The following APPL1 variants were observed in gnomAD, a reference collection of about 807,000 sequenced individuals.
APPL1 encodes the protein DCC-interacting protein 13-alpha.
Under a neutral mutation model 106.8 loss-of-function variants are expected in APPL1, and 42 were observed. The observed-to-expected ratio is 0.39, with a 90% CI of 0.31 to 0.51. APPL1 has a LOEUF of 0.51. Among genes scored for constraint, APPL1 ranks in the 20% least tolerant of loss-of-function variants. The probability of loss-of-function intolerance (pLI) is 0.75; values close to 1 mark genes in which losing one functional copy is unlikely to be tolerated. For missense variants in APPL1, 769 were observed against 858.2 expected, an observed-to-expected ratio of 0.90 and a Z score of 1.30; for synonymous variants, 263 against 281.8, an observed-to-expected ratio of 0.93 and a Z score of 0.67.
intron 13 of APPL1, among the ~76,000 whole-genome samples, chr3:57,254,699 A>G (rs1167282410): frequency 6.6e-6 from 1 of 152,188 alleles, no homozygotes; most frequent in African/African-American, 2.4e-5. Flanking sequence ...ATCTCAGCCC[A>G]CTGCAGCCTC....
At chr3:57,256,084 C>A (rs568661613) in intron 13 of APPL1, among the ~76,000 whole-genome samples, 8 of 152,176 alleles carry the variant, frequency 5.3e-5, no homozygotes, top group Admixed American at 3.9e-4. Flanking sequence ...GGAATAGTGC[C>A]TGTAGTCTCA....
chr3:57,267,255 G>C (rs908344902), intron 19 of APPL1, among the ~76,000 whole-genome samples: 1 of 152,042 alleles, frequency 6.6e-6, no homozygotes, highest in East Asian at 1.9e-4. Context: ...ATTTTGCCTA[G>C]GCTTACTGAG....
At chr3:57,247,229 C>A (rs1393094961) in intron 8 of APPL1, among the ~76,000 whole-genome samples, 166 bp from the exon 9 acceptor site, 2 of 152,100 alleles carry the variant, frequency 1.3e-5, no homozygotes, top group Non-Finnish European at 2.9e-5. Flanking sequence ...CTTAATGGCT[C>A]CCTGTGCAGT....
chr3:57,232,741 G>C (rs1469505796), intron 1 of APPL1, among the ~76,000 whole-genome samples: 1 of 152,138 alleles, frequency 6.6e-6, no homozygotes, highest in African/African-American at 2.4e-5. Context: ...GGTGGCTCAC[G>C]CCTGTAATCC....
chr3:57,242,282 T>A (rs1227268872), intron 6 of APPL1, 140 bp downstream of exon 6: 4 of 624,294 alleles, frequency 6.4e-6, no homozygotes, highest in Non-Finnish European at 8.1e-6. Flanking sequence ...GTATTGCTAC[T>A]TAAATTACAC....
chr3:57,252,032 C>G (rs570811391), intron 11 of APPL1, among the ~76,000 whole-genome samples: 40 of 152,208 alleles, frequency 2.6e-4, no homozygotes, highest in Admixed American at 6.5e-4. Context: ...GGATCAGCAC[C>G]TGTTCCCTTT....
intron 13 of APPL1, 126 bp downstream of exon 13, chr3:57,253,864 T>C: frequency 2.8e-6 from 1 of 350,908 alleles, no homozygotes; most frequent in Non-Finnish European, 4.3e-6. Context: ...ATGAGTAGCT[T>C]TTTTTTTTTT....
At chr3:57,248,667 C>T (rs990997801) in intron 10 of APPL1, among the ~76,000 whole-genome samples, 2 of 151,988 alleles carry the variant, frequency 1.3e-5, no homozygotes, top group African/African-American at 4.8e-5. Flanking sequence ...GTCAGGAGTT[C>T]GAGACCAGCC....
intron 7 of APPL1, among the ~76,000 whole-genome samples, chr3:57,245,249 C>T (rs1309404563): frequency 6.6e-6 from 1 of 152,024 alleles, no homozygotes. Context: ...GAACCTAATG[C>T]CTATTACATA....
intron 19 of APPL1, among the ~76,000 whole-genome samples, chr3:57,265,113 T>TC (rs2060887558): frequency 6.6e-6 from 1 of 152,080 alleles, no homozygotes; most frequent in Non-Finnish European, 1.5e-5. Context: ...GGTGTCCTCT[T>TC]CAATTTCTTT....
chr3:57,268,667 C>T, intron 21 of APPL1, 180 bp downstream of exon 21: 1 of 512,610 alleles, frequency 2.0e-6, no homozygotes. Flanking sequence ...ATGATGTTTA[C>T]ATTATAGTTA....
chr3:57,249,582 A>G (rs759117677), intron 11 of APPL1, 34 bp downstream of exon 11: 1 of 1,489,444 alleles, frequency 6.7e-7, no homozygotes, highest in South Asian at 1.4e-5. Flanking sequence ...ACTAATCTAT[A>G]GTATATTAAA....
rs1313187144 is a variant in APPL1, at chr3:57,228,435, C to T, written c.54+498C>T. Among the ~76,000 whole-genome samples the T allele has an allele frequency of 6.6e-6, 1 of 152,182 alleles. No individual in the cohort carries two copies. The highest frequency in any genetic ancestry group is 1.5e-5 in the Non-Finnish European group (1 of 68,016). On this transcript the variant is annotated intron_variant, in intron 1 of 21. Coordinates refer to ENST00000288266, the MANE Select transcript of APPL1 (RefSeq NM_012096.3). The surrounding 1 kb of genome is among the most constrained non-coding windows in gnomAD (Gnocchi z 4.6). ...GTGTGTGGAGCCCTAATGGCAAAGC[C>T]CGTGACGGGTCCCGGAGCCCAAGAC...
chr3:57,231,495 AT>A (rs536587778), intron 1 of APPL1, among the ~76,000 whole-genome samples: 140 of 151,624 alleles, frequency 9.2e-4, no homozygotes, highest in African/African-American at 3.0e-3. Flanking sequence ...TTAGTTTTTA[AT>A]TTTTTTTAGA....
At chr3:57,247,580 T>A in intron 9 of APPL1, 103 bp downstream of exon 9, 1 of 773,480 alleles carries the variant, frequency 1.3e-6, no homozygotes, top group South Asian at 2.0e-5. Flanking sequence ...TGAGGGAATA[T>A]TTTCCCTGCC....
chr3:57,230,235 TAC>T (rs1449357656), intron 1 of APPL1, among the ~76,000 whole-genome samples: 1 of 152,238 alleles, frequency 6.6e-6, no homozygotes, highest in Non-Finnish European at 1.5e-5. Context: ...GCCACTTTAC[TAC>T]CTTCTGCTTT....
intron 5 of APPL1, 94 bp from the exon 6 acceptor site, chr3:57,242,007 G>T: frequency 4.7e-6 from 4 of 852,792 alleles, no homozygotes; most frequent in East Asian, 2.9e-5. Flanking sequence ...ATATTATTTT[G>T]AGTTTTAATT....
chr3:57,254,705 GC>G (rs2060825671), intron 13 of APPL1, among the ~76,000 whole-genome samples: 1 of 152,164 alleles, frequency 6.6e-6, no homozygotes, highest in Admixed American at 6.5e-5. Flanking sequence ...GCCCACTGCA[GC>G]CTCTGCCTCC....
chr3:57,260,802 C>A, intron 19 of APPL1, 28 bp downstream of exon 19: 1 of 1,540,202 alleles, frequency 6.5e-7, no homozygotes, highest in South Asian at 1.3e-5. Flanking sequence ...ATATCTCTGT[C>A]ATAACCACTT....
Sources: allele counts gnomAD v4.1 joint callset (sites outside exome capture counted in the v4.1 genomes callset), GRCh38; gene constraint gnomAD v4.1.1; non-coding constraint Gnocchi (gnomAD v3.1); transcripts MANE v1.5; gene names NCBI Gene and HGNC (gene_info 2026-07-23, HGNC 2026-07-21).